Variants in PLA2G4A observed in about 807,000 individuals in gnomAD.
PLA2G4A encodes the protein phospholipase A2 group IVA.
PLA2G4A carries 40 observed loss-of-function variants against 81.9 expected under a neutral mutation model. That is an observed-to-expected ratio of 0.49 (90% CI 0.38 to 0.64). PLA2G4A has a LOEUF of 0.64. Among genes scored for constraint, PLA2G4A ranks in the 30% least tolerant of loss-of-function variants. PLA2G4A has a pLI of 0.00. For missense variants in PLA2G4A, 715 were observed against 905.1 expected (o/e 0.79, Z 2.69); for synonymous variants, 302 against 296.9 (o/e 1.02, Z -0.18).
At chr1:186,891,794 C>CT (rs574614617) in intron 3 of PLA2G4A, among the ~76,000 whole-genome samples, 69 of 152,036 alleles carry the variant, frequency 4.5e-4, no homozygotes, top group African/African-American at 1.5e-3. Context: ...ATACTGATTC[C>CT]TTTTTTTTGA....
chr1:186,966,909 T>C (rs147453368), intron 15 of PLA2G4A, among the ~76,000 whole-genome samples: 2 of 152,366 alleles, frequency 1.3e-5, no homozygotes, highest in African/African-American at 4.8e-5. Context: ...TATTTTGTTT[T>C]AATCATTTGG....
intron 10 of PLA2G4A, among the ~76,000 whole-genome samples, chr1:186,946,270 G>A (rs759677013): frequency 8.5e-5 from 13 of 152,122 alleles, no homozygotes; most frequent in Non-Finnish European, 1.6e-4. Flanking sequence ...TTGCTTAGAA[G>A]AGTTTAATTT....
chr1:186,934,063 C>T, intron 8 of PLA2G4A, among the ~76,000 whole-genome samples: 1 of 152,098 alleles, frequency 6.6e-6, no homozygotes, highest in East Asian at 1.9e-4. Flanking sequence ...TGTAGCCCAT[C>T]ATTATTCTTT....
At chr1:186,890,240 G>A (rs1020157735) in intron 3 of PLA2G4A, among the ~76,000 whole-genome samples, 1 of 152,138 alleles carries the variant, frequency 6.6e-6, no homozygotes, top group Non-Finnish European at 1.5e-5. Flanking sequence ...GCTTTCTGTT[G>A]TTAGCTTCTG....
At chr1:186,929,235 T>C (rs1042666755) in intron 7 of PLA2G4A, among the ~76,000 whole-genome samples, 1 of 152,260 alleles carries the variant, frequency 6.6e-6, no homozygotes, top group Non-Finnish European at 1.5e-5. Flanking sequence ...TATTACTTAT[T>C]AGCTATCTAT....
chr1:186,968,463 G>T (rs946989205), intron 15 of PLA2G4A, among the ~76,000 whole-genome samples: 25 of 138,664 alleles, frequency 1.8e-4, no homozygotes, highest in Non-Finnish European at 3.1e-5. Flanking sequence ...ATGTAGTTTT[G>T]CATTCTGTCT....
At chr1:186,951,480 A>C (rs1656560354) in intron 13 of PLA2G4A, among the ~76,000 whole-genome samples, 1 of 152,080 alleles carries the variant, frequency 6.6e-6, no homozygotes, top group African/African-American at 2.4e-5. Context: ...ACAAAAACAA[A>C]AACAACAACA....
At chr1:186,931,391 C>G (rs1418893694) in intron 7 of PLA2G4A, among the ~76,000 whole-genome samples, 1 of 152,044 alleles carries the variant, frequency 6.6e-6, no homozygotes, top group Non-Finnish European at 1.5e-5. Flanking sequence ...TGATTTAAGA[C>G]CACTTGTTAG....
At chr1:186,982,676 T>TGTGTGTGTGC (rs1203729083) in intron 17 of PLA2G4A, among the ~76,000 whole-genome samples, 1 of 151,520 alleles carries the variant, frequency 6.6e-6, no homozygotes, top group Non-Finnish European at 1.5e-5. Flanking sequence ...CCTCTTTGTG[T>TGTGTGTGTGC]GTGTGTGCGT....
intron 1 of PLA2G4A, among the ~76,000 whole-genome samples, chr1:186,844,435 T>G (rs1340938838): frequency 6.6e-6 from 1 of 152,216 alleles, no homozygotes; most frequent in Non-Finnish European, 1.5e-5. Context: ...CTCTCTTTGC[T>G]TTTAGAATAT....
chr1:186,946,605 A>T (rs771422919), intron 10 of PLA2G4A, 32 bp from the exon 11 acceptor site: 10 of 1,535,944 alleles, frequency 6.5e-6, no homozygotes, highest in Admixed American at 1.7e-5. Flanking sequence ...TTTTCCTATT[A>T]ATGGATTGCC....
At chr1:186,851,978 T>C (rs1489855355) in intron 1 of PLA2G4A, among the ~76,000 whole-genome samples, 1 of 151,930 alleles carries the variant, frequency 6.6e-6, no homozygotes, top group Non-Finnish European at 1.5e-5. Flanking sequence ...ATGAGGGTAA[T>C]ACAACTTATG....
chr1:186,961,815 C>A (rs1035259513), intron 14 of PLA2G4A, among the ~76,000 whole-genome samples: 14 of 152,116 alleles, frequency 9.2e-5, no homozygotes, highest in Admixed American at 2.6e-4. Flanking sequence ...AAAATCACTG[C>A]ATGTAAAATT....
intron 17 of PLA2G4A, among the ~76,000 whole-genome samples, chr1:186,987,865 T>C (rs937416073): frequency 5.9e-5 from 9 of 152,208 alleles, no homozygotes; most frequent in Non-Finnish European, 1.3e-4. Context: ...AGCATGATGT[T>C]TCCTAGATAG....
intron 17 of PLA2G4A, among the ~76,000 whole-genome samples, chr1:186,979,725 T>C (rs183802010): frequency 1.3e-5 from 2 of 152,192 alleles, no homozygotes; most frequent in Middle Eastern, 3.4e-3. Flanking sequence ...TCCCGAAGTA[T>C]CTATGTATTT....
chr1:186,934,443 C>CACATATATATAT (rs372931067), intron 8 of PLA2G4A, among the ~76,000 whole-genome samples: 1 of 99,564 alleles, frequency 1.0e-5, no homozygotes. Flanking sequence ...TAAATGTGCA[C>CACATATATATAT]ATATATATAT....
At chr1:186,958,331 A>G (rs1245466744) in intron 14 of PLA2G4A, among the ~76,000 whole-genome samples, 1 of 152,194 alleles carries the variant, frequency 6.6e-6, no homozygotes, top group African/African-American at 2.4e-5. Flanking sequence ...AAATAAAAAT[A>G]CACTTAACCA....
chr1:186,911,389 T>A lies in PLA2G4A; in HGVS notation c.558T>A (p.Asp186Glu), dbSNP rs200243876. Residue 186 changes from aspartate to glutamate, a missense_variant and splice_region_variant, in exon 7 of 18, where the codon GAT (aspartate) becomes GAA (glutamate). Transcript: ENST00000367466. ...GTGAAGGATTGCATTCTGCACGTGA[T>A]GTGAGTTGGAAATTTTTCAAGTGTT... Reference protein sequence around the residue: ...KNSEGLHSARDVPVVAILGSG... With the variant: ...KNSEGLHSAREVPVVAILGSG... 4.4e-6 allele frequency: 7 copies of A among 1,607,200 alleles called. No individual in the cohort carries two copies. In the East Asian group the frequency reaches 6.7e-5, roughly 15 times the overall value.
chr1:186,965,027 G>A (rs1370189076), intron 14 of PLA2G4A, among the ~76,000 whole-genome samples: 1 of 152,150 alleles, frequency 6.6e-6, no homozygotes, highest in African/African-American at 2.4e-5. Context: ...TCTGTTATAA[G>A]AATTAAACAA....
Sources: allele counts gnomAD v4.1 joint callset (sites outside exome capture counted in the v4.1 genomes callset), GRCh38; gene constraint gnomAD v4.1.1; transcripts MANE v1.5; gene names NCBI Gene and HGNC (gene_info 2026-07-23, HGNC 2026-07-21).